ILRUN: variants seen among roughly 807,000 people sequenced by gnomAD.
ILRUN encodes protein ILRUN.
In ILRUN, 3 loss-of-function variants were observed where a neutral mutation model predicts 33.8. The ratio of observed to expected loss-of-function variants is 0.09; its 90% CI spans 0.04 to 0.23. The LOEUF is 0.23. Among genes scored for constraint, ILRUN ranks in the 10% least tolerant of loss-of-function variants. The pLI is 1.00. For synonymous variants in ILRUN, 124 were observed against 138.9 expected (o/e 0.89, Z 0.75); for missense variants, 210 against 375.1 (o/e 0.56, Z 3.64).
At chr6:34,689,059 G>T (rs775008982) in intron 1 of ILRUN, among the ~76,000 whole-genome samples, 3 of 152,130 alleles carry the variant, frequency 2.0e-5, no homozygotes, top group Non-Finnish European at 4.4e-5. Context: ...CCTTTACACC[G>T]GCTTAATGGG....
At chr6:34,662,760 G>A (rs1490853509) in intron 1 of ILRUN, among the ~76,000 whole-genome samples, 2 of 152,122 alleles carry the variant, frequency 1.3e-5, no homozygotes, top group East Asian at 1.9e-4. Context: ...TACTTAACAC[G>A]CTACGGAATA....
chr6:34,621,073 G>C (rs1311877764), intron 3 of ILRUN, among the ~76,000 whole-genome samples: 1 of 152,098 alleles, frequency 6.6e-6, no homozygotes, highest in Non-Finnish European at 1.5e-5. Context: ...TATCTGCAAA[G>C]AACTAAAACA....
intron 1 of ILRUN, among the ~76,000 whole-genome samples, chr6:34,665,750 A>C (rs1762982368): frequency 6.6e-6 from 1 of 152,130 alleles, no homozygotes; most frequent in South Asian, 2.1e-4. Context: ...AAAAGGAAAA[A>C]AATGCCAAAA....
intron 4 of ILRUN, among the ~76,000 whole-genome samples, chr6:34,600,223 G>A (rs911621859): frequency 4.6e-5 from 7 of 152,088 alleles, no homozygotes; most frequent in Non-Finnish European, 1.0e-4. Flanking sequence ...ATAAGGGCCC[G>A]CAAAACGCTC....
At chr6:34,664,950 A>C (rs967632543) in intron 1 of ILRUN, among the ~76,000 whole-genome samples, 3 of 152,162 alleles carry the variant, frequency 2.0e-5, no homozygotes, top group African/African-American at 7.2e-5. Flanking sequence ...TTTCTAAAAA[A>C]TACCAGCAAT....
rs147001361 is a variant in ILRUN, at chr6:34,607,503, T to G, written c.512-599A>C. On this transcript the variant is annotated intron_variant, in intron 3 of 4. Coordinates refer to ENST00000374023, the MANE Select transcript of ILRUN (RefSeq NM_024294.4). ...ATTTGACCAAAAGACACCAAGAATT[T>G]GGCATGCCTCAGACTTTCTAAAATA... 7.3e-3 allele frequency among the ~76,000 whole-genome samples: 1,115 copies of G among 152,334 alleles called. 21 individuals carry two copies. Among genetic ancestry groups the G allele is most frequent in the African/African-American group, 0.025 (1,060 of 41,570 alleles).
At chr6:34,630,604 G>A (rs186889935) in intron 3 of ILRUN, among the ~76,000 whole-genome samples, 1 of 152,112 alleles carries the variant, frequency 6.6e-6, no homozygotes, top group Non-Finnish European at 1.5e-5. Flanking sequence ...GGATGGCTTC[G>A]ATCTCTTGAC....
intron 1 of ILRUN, among the ~76,000 whole-genome samples, chr6:34,658,492 T>TTTC (rs1036175244): frequency 7.0e-6 from 1 of 142,540 alleles, no homozygotes; most frequent in African/African-American, 2.5e-5. Flanking sequence ...TTCTTTTTCT[T>TTTC]TTTTTTTTTT....
chr6:34,687,704 A>AT (rs1336793386), intron 1 of ILRUN, among the ~76,000 whole-genome samples: 5 of 146,998 alleles, frequency 3.4e-5, no homozygotes, highest in African/African-American at 1.3e-4. Flanking sequence ...TCTCCAAAAA[A>AT]AAAAATATAT....
intron 1 of ILRUN, among the ~76,000 whole-genome samples, chr6:34,660,659 C>G (rs1321874250): frequency 6.6e-6 from 1 of 151,696 alleles, no homozygotes; most frequent in African/African-American, 2.4e-5. Flanking sequence ...TCTGAATGAC[C>G]AAAAAGGTAA....
intron 1 of ILRUN, among the ~76,000 whole-genome samples, chr6:34,675,516 T>G (rs1763211052): frequency 6.6e-6 from 1 of 151,876 alleles, no homozygotes; most frequent in Admixed American, 6.6e-5. Flanking sequence ...AAAACAGAAG[T>G]GAATTTTATA....
chr6:34,634,056 G>A (rs1762304809), intron 3 of ILRUN, among the ~76,000 whole-genome samples: 1 of 152,090 alleles, frequency 6.6e-6, no homozygotes. Context: ...GCCGAGGAAT[G>A]AGACCAGCCT....
At chr6:34,618,924 T>C (rs1761953785) in intron 3 of ILRUN, among the ~76,000 whole-genome samples, 1 of 152,194 alleles carries the variant, frequency 6.6e-6, no homozygotes, top group Non-Finnish European at 1.5e-5. Flanking sequence ...TATGGTGCTC[T>C]AGAAGCCTAG....
At chr6:34,683,081 T>C (rs946788917) in intron 1 of ILRUN, among the ~76,000 whole-genome samples, 5 of 151,106 alleles carry the variant, frequency 3.3e-5, no homozygotes, top group Non-Finnish European at 7.4e-5. Context: ...AAACAGGACG[T>C]TGCCTATAAA....
intron 4 of ILRUN, among the ~76,000 whole-genome samples, chr6:34,593,428 T>C (rs188652357): frequency 2.0e-5 from 3 of 152,234 alleles, no homozygotes; most frequent in African/African-American, 7.2e-5. Flanking sequence ...AGCTGTTGTA[T>C]ATTCCCACTT....
intron 4 of ILRUN, among the ~76,000 whole-genome samples, chr6:34,597,402 G>A (rs1761423629): frequency 6.6e-6 from 1 of 152,182 alleles, no homozygotes. Flanking sequence ...CAGTCTCACT[G>A]GGGAGGACAA....
At position 34,658,257 on chromosome 6, in the gene ILRUN, T is replaced by C. The variant is rs112028845; in HGVS notation, c.159-3478A>G. On this transcript the variant is annotated intron_variant, in intron 1 of 4. Coordinates refer to ENST00000374023, the MANE Select transcript of ILRUN (RefSeq NM_024294.4). ...TACTTGGGAGGATGAGATAGGCGAA[T>C]TGCTTGAACCCAGGAGGCGGAGGTT... Among the ~76,000 whole-genome samples, 320 of 151,834 alleles carry C rather than the reference T, an allele frequency of 2.1e-3. 1 individual carries two copies. Among genetic ancestry groups the C allele is most frequent in the African/African-American group, 6.9e-3 (287 of 41,368 alleles).
intron 1 of ILRUN, among the ~76,000 whole-genome samples, chr6:34,687,950 G>C (rs1461037116): frequency 6.6e-6 from 1 of 151,750 alleles, no homozygotes; most frequent in African/African-American, 2.4e-5. Context: ...ACTAAAAAAA[G>C]GTACTCAAAC....
chr6:34,651,156 T>C (rs147356612), intron 2 of ILRUN, among the ~76,000 whole-genome samples: 3 of 152,260 alleles, frequency 2.0e-5, no homozygotes, highest in African/African-American at 7.2e-5. Flanking sequence ...AAACATCCAA[T>C]TTATAGATTA....
Sources: gnomAD v4.1 joint callset for allele counts (sites outside exome capture counted in the v4.1 genomes callset) on GRCh38, gnomAD v4.1.1 for gene constraint, MANE v1.5 for transcripts, NCBI Gene and HGNC (gene_info 2026-07-23, HGNC 2026-07-21) for gene names.